The following CDC73 variants were observed in gnomAD, a reference collection of about 807,000 sequenced individuals.
CDC73 encodes the protein parafibromin.
Under a neutral mutation model 83.7 loss-of-function variants are expected in CDC73, and 21 were observed. The ratio of observed to expected loss-of-function variants is 0.25; its 90% CI spans 0.18 to 0.36. The LOEUF is 0.36. Among genes scored for constraint, CDC73 ranks in the 10% least tolerant of loss-of-function variants. The pLI is 1.00. For synonymous variants in CDC73, 224 were observed against 212.9 expected (o/e 1.05, Z -0.45); for missense variants, 342 against 653.3 (o/e 0.52, Z 5.19).
At chr1:193,128,783 A>G (rs906195930) in intron 2 of CDC73, among the ~76,000 whole-genome samples, 27 of 152,240 alleles carry the variant, frequency 1.8e-4, no homozygotes, top group African/African-American at 6.3e-4. Flanking sequence ...GCAGTAAATT[A>G]TAATAAGTAT....
At position 193,252,274 on chromosome 1, in the gene CDC73, A is replaced by G. The variant is rs1280348507; in HGVS notation, c.*1562A>G. 4.3e-6 allele frequency: 1 copy of G among 230,662 alleles called. No homozygotes were observed. 14.3% of individuals were successfully genotyped at this position (230,662 alleles called of 1,614,324 possible). ...CGTCTTCTTTCCTTAAAGATAAAAG[A>G]AAACTCAAATTTGTTTACATTAGGC... On this transcript the variant is annotated 3_prime_UTR_variant, in exon 17 of 17. Transcript: ENST00000367435.
At chr1:193,177,478 CGAGAT>C (rs1558299125) in intron 10 of CDC73, among the ~76,000 whole-genome samples, 4 of 147,888 alleles carry the variant, frequency 2.7e-5, no homozygotes, top group Admixed American at 1.4e-4. Context: ...TGCAGTGAGC[CGAGAT>C]CGGGCCACTG....
At chr1:193,235,194 A>G (rs1474121300) in intron 14 of CDC73, among the ~76,000 whole-genome samples, 1 of 152,170 alleles carries the variant, frequency 6.6e-6, no homozygotes, top group Non-Finnish European at 1.5e-5. Flanking sequence ...GCCCTTAAAT[A>G]GGAACAGTAG....
intron 10 of CDC73, among the ~76,000 whole-genome samples, chr1:193,172,906 A>G (rs2103151312): frequency 6.6e-6 from 1 of 152,272 alleles, no homozygotes; most frequent in East Asian, 1.9e-4. Context: ...GACATAATGG[A>G]TTTAGGTTTA....
At chr1:193,152,193 T>C (rs1175412749) in intron 9 of CDC73, among the ~76,000 whole-genome samples, 187 bp from the exon 10 acceptor site, 1 of 152,206 alleles carries the variant, frequency 6.6e-6, no homozygotes, top group African/African-American at 2.4e-5. Context: ...ATTAATATTT[T>C]TTAACCTAGA....
intron 10 of CDC73, among the ~76,000 whole-genome samples, chr1:193,159,944 G>T (rs1676280531): frequency 6.6e-6 from 1 of 152,104 alleles, no homozygotes; most frequent in South Asian, 2.1e-4. Context: ...CAAGAAAAAT[G>T]AATTACAGCA....
intron 15 of CDC73, among the ~76,000 whole-genome samples, chr1:193,244,709 T>A (rs1228166640): frequency 6.6e-6 from 1 of 152,236 alleles, no homozygotes; most frequent in African/African-American, 2.4e-5. Context: ...CCCAAATCTT[T>A]GCAAGACTTG....
chr1:193,132,479 A>G (rs1274005239), intron 3 of CDC73, among the ~76,000 whole-genome samples: 4 of 151,832 alleles, frequency 2.6e-5, no homozygotes, highest in Admixed American at 1.3e-4. Context: ...GATAGAAGAA[A>G]CTTTTTTTTT....
chr1:193,221,998 G>A (rs1280659415), intron 13 of CDC73, among the ~76,000 whole-genome samples: 1 of 151,776 alleles, frequency 6.6e-6, no homozygotes, highest in Non-Finnish European at 1.5e-5. Flanking sequence ...GTACAACTGA[G>A]GATTCTTTAG....
intron 7 of CDC73, 59 bp downstream of exon 7, chr1:193,142,125 A>T (rs1473598724): frequency 2.2e-6 from 3 of 1,349,310 alleles, no homozygotes; most frequent in Non-Finnish European, 3.2e-6. Flanking sequence ...GAGTGCGTTT[A>T]ATCTGTGGTT....
intron 11 of CDC73, among the ~76,000 whole-genome samples, chr1:193,205,594 A>G (rs942524093): frequency 6.6e-6 from 1 of 152,076 alleles, no homozygotes. Flanking sequence ...GTAGGTGTGG[A>G]AAAGAGGAGT....
chr1:193,252,353 C>T lies in CDC73; in HGVS notation c.*1641C>T, dbSNP rs2102076201. The T allele has an allele frequency of 4.3e-6, 1 of 229,974 alleles. No individual in the cohort carries two copies. Among genetic ancestry groups the T allele is most frequent in the South Asian group, 1.8e-4 (1 of 5,488 alleles). The allele number at this position is 229,974 out of a possible 1,614,324, so 14.2% of individuals were successfully genotyped here. A position where few individuals can be genotyped will look rare whatever the true frequency, so the allele number is the denominator to read the frequency against. On this transcript the variant is annotated 3_prime_UTR_variant, in exon 17 of 17. Coordinates refer to ENST00000367435, the MANE Select transcript of CDC73 (RefSeq NM_024529.5). ...ATAAATTACATGTTGTGTAAACTTTCTCCATGATGAAATAGTCAAGGACCA... is the reference window on the plus strand; with the variant it reads ...ATAAATTACATGTTGTGTAAACTTTTTCCATGATGAAATAGTCAAGGACCA...
intron 11 of CDC73, among the ~76,000 whole-genome samples, chr1:193,210,696 C>G (rs1318767932): frequency 6.6e-6 from 1 of 151,806 alleles, no homozygotes; most frequent in Non-Finnish European, 1.5e-5. Flanking sequence ...CGAGATCAAC[C>G]CTGGGTGACA....
intron 15 of CDC73, among the ~76,000 whole-genome samples, chr1:193,241,692 G>C (rs868343430): frequency 2.0e-5 from 3 of 152,186 alleles, no homozygotes; most frequent in Non-Finnish European, 4.4e-5. Flanking sequence ...TTGGTTGGGC[G>C]TGTCTTCTGC....
At position 193,236,452 on chromosome 1, in the gene CDC73, G is replaced by T. The variant is rs897607805; in HGVS notation, c.1417+96G>T. 9.8e-6 allele frequency: 8 copies of T among 818,422 alleles called. No individual in the cohort carries two copies. The African/African-American group carries it at 1.3e-4, about 14-fold the overall frequency. 50.7% of individuals were successfully genotyped at this position (818,422 alleles called of 1,614,324 possible). ...ATAGTTCTGCGCATATGATGTGTAT[G>T]TCAAAAGATTGCTGTTAAGTAACAT... On this transcript the variant is annotated intron_variant, in intron 15 of 16. Transcript: ENST00000367435.
intron 8 of CDC73, among the ~76,000 whole-genome samples, chr1:193,149,537 A>G (rs527602526): frequency 6.6e-6 from 1 of 152,284 alleles, no homozygotes; most frequent in South Asian, 2.1e-4. Context: ...CTGTATATTT[A>G]TATAATCGTT....
At chr1:193,202,228 G>A (rs879600043) in intron 10 of CDC73, among the ~76,000 whole-genome samples, 10 of 152,032 alleles carry the variant, frequency 6.6e-5, no homozygotes, top group African/African-American at 2.4e-4. Flanking sequence ...TCTAGGTGCA[G>A]TTCAGTTCAA....
At chr1:193,207,770 C>G (rs1677213450) in intron 11 of CDC73, among the ~76,000 whole-genome samples, 2 of 152,158 alleles carry the variant, frequency 1.3e-5, no homozygotes, top group Non-Finnish European at 2.9e-5. Flanking sequence ...GTTTTACAAT[C>G]AATTTGTACA....
intron 10 of CDC73, among the ~76,000 whole-genome samples, chr1:193,156,542 A>G (rs1428271306): frequency 6.6e-6 from 1 of 152,134 alleles, no homozygotes; most frequent in Non-Finnish European, 1.5e-5. Context: ...TAATATCACC[A>G]TCAATTCTCA....
Sources: allele counts gnomAD v4.1 joint callset (sites outside exome capture counted in the v4.1 genomes callset), GRCh38; gene constraint gnomAD v4.1.1; transcripts MANE v1.5; gene names NCBI Gene and HGNC (gene_info 2026-07-23, HGNC 2026-07-21).